Variants in KIZ observed in about 807,000 individuals in gnomAD.
KIZ encodes the protein kizuna centrosomal protein.
In KIZ, 68 loss-of-function variants were observed where a neutral mutation model predicts 79.6. That is an observed-to-expected ratio of 0.85 (90% CI 0.70 to 1.05). KIZ has a LOEUF of 1.05. KIZ is among the 50% of genes least tolerant of loss of function. The pLI is 0.00. For missense variants in KIZ, 797 were observed against 800.4 expected (o/e 1.00, Z 0.05); for synonymous variants, 280 against 281.8 (o/e 0.99, Z 0.06).
At chr20:21,192,827 C>T (rs1184220350) in intron 6 of KIZ, among the ~76,000 whole-genome samples, 4 of 152,128 alleles carry the variant, frequency 2.6e-5, no homozygotes, top group African/African-American at 9.7e-5. Flanking sequence ...ACTTGAAGAA[C>T]ATACAGTGGC....
At chr20:21,145,443 T>C (rs940383729) in intron 3 of KIZ, 122 bp from the exon 4 acceptor site, 1 of 407,472 alleles carries the variant, frequency 2.5e-6, no homozygotes, top group Non-Finnish European at 4.5e-6. Context: ...GGTGAATTTC[T>C]TGGCAACATC....
chr20:21,182,812 A>AG, intron 6 of KIZ, among the ~76,000 whole-genome samples: 1 of 151,914 alleles, frequency 6.6e-6, no homozygotes, highest in East Asian at 1.9e-4. Flanking sequence ...AAAAAAAAAA[A>AG]AAAAAAAGAC....
intron 3 of KIZ, chr20:21,138,903 C>T (rs1356450195): frequency 6.8e-6 from 1 of 147,176 alleles, no homozygotes; most frequent in Non-Finnish European, 1.5e-5. Context: ...AGAATGTTTT[C>T]CCCCTTTTCT....
intron 5 of KIZ, 171 bp from the exon 6 acceptor site, chr20:21,162,679 C>T: frequency 1.3e-6 from 1 of 781,350 alleles, no homozygotes; most frequent in South Asian, 1.9e-5. Context: ...ATTTTTAAAC[C>T]CACTGTGATT....
intron 4 of KIZ, among the ~76,000 whole-genome samples, chr20:21,160,011 C>T (rs1029637096): frequency 6.6e-6 from 1 of 152,230 alleles, no homozygotes; most frequent in African/African-American, 2.4e-5. Flanking sequence ...CTGGACTACA[C>T]TCGTTATTGC....
chr20:21,161,817 C>A, intron 4 of KIZ, 54 bp from the exon 5 acceptor site: 2 of 1,285,858 alleles, frequency 1.6e-6, no homozygotes, highest in South Asian at 3.1e-5. Context: ...AAAAAAACCC[C>A]ACCTAATTGT....
intron 9 of KIZ, among the ~76,000 whole-genome samples, chr20:21,223,412 C>T (rs1038179922): frequency 4.6e-5 from 7 of 152,116 alleles, no homozygotes; most frequent in Non-Finnish European, 7.4e-5. Flanking sequence ...CTGAATTAGG[C>T]GGGTCTCTTC....
At chr20:21,159,954 C>T (rs963028244) in intron 4 of KIZ, among the ~76,000 whole-genome samples, 4 of 152,172 alleles carry the variant, frequency 2.6e-5, no homozygotes, top group African/African-American at 7.2e-5. Flanking sequence ...GTGGGTGCAC[C>T]GTTTTATATT....
chr20:21,234,284 T>C (rs1464828688), intron 11 of KIZ, among the ~76,000 whole-genome samples: 3 of 152,024 alleles, frequency 2.0e-5, no homozygotes, highest in Non-Finnish European at 4.4e-5. Flanking sequence ...TTGTTATTAG[T>C]ATCGTTTCCG....
chr20:21,136,493 C>G lies in KIZ; in HGVS notation c.256C>G (p.Arg86Gly), dbSNP rs199937464. The G allele has an allele frequency of 6.3e-7, 1 of 1,599,410 alleles. No homozygotes were observed. Among genetic ancestry groups the G allele is most frequent in the African/African-American group, 1.3e-5 (1 of 74,716 alleles). The part of the protein sequence containing the change: ...RNQEYLKRFE[R>G]VQAHVVHFTT... The stretch of plus-strand genomic sequence containing the variant: ...CCAAGAATATTTAAAGCGATTTGAG[C>G]GTGTCCAAGCTCATGTTGTACACTT... Residue 86 changes from arginine to glycine, a missense_variant, in exon 3 of 13, where the codon CGT (arginine) becomes GGT (glycine). Coordinates refer to ENST00000619189, the MANE Select transcript of KIZ (RefSeq NM_018474.6).
At chr20:21,172,951 T>C (rs1156654535) in intron 6 of KIZ, among the ~76,000 whole-genome samples, 1 of 152,174 alleles carries the variant, frequency 6.6e-6, no homozygotes, top group Non-Finnish European at 1.5e-5. Flanking sequence ...AGTGGGGGCA[T>C]ACTGAGTGTT....
chr20:21,130,475 A>AG (rs910123223), intron 1 of KIZ, among the ~76,000 whole-genome samples: 5 of 152,208 alleles, frequency 3.3e-5, no homozygotes, highest in African/African-American at 9.6e-5. Flanking sequence ...ATGAAACTCT[A>AG]GGGGGGGAAT....
chr20:21,162,048 C>G lies in KIZ; in HGVS notation c.583C>G (p.Arg195Gly), dbSNP rs775124094. Reference sequence around the variant, plus strand: ...TTCAATTCCTGACCCACATTCACACCGACAGACAGCCCAGAGCAGTAATGT... The same window carrying G: ...TTCAATTCCTGACCCACATTCACACGGACAGACAGCCCAGAGCAGTAATGT... ...NFSIPDPHSH[R>G]QTAQSSNVTD... The change falls in exon 5 of 13, where the codon CGA becomes GGA. Residue 195 changes from arginine (R) to glycine (G), a missense_variant. By Grantham distance (125) the Arg-to-Gly change is moderately radical (BLOSUM62 -2). Transcript: ENST00000619189. The G allele has an allele frequency of 6.2e-7, 1 of 1,613,744 alleles. No individual in the cohort carries two copies. Among genetic ancestry groups the G allele is most frequent in the Non-Finnish European group, 8.5e-7 (1 of 1,179,830 alleles).
intron 11 of KIZ, among the ~76,000 whole-genome samples, chr20:21,234,104 C>A (rs1302526837): frequency 6.6e-6 from 1 of 152,142 alleles, no homozygotes; most frequent in Non-Finnish European, 1.5e-5. Context: ...CTAAAAAACT[C>A]ACTTCTTCCT....
At chr20:21,134,228 A>G (rs886401177) in intron 2 of KIZ, among the ~76,000 whole-genome samples, 1 of 152,190 alleles carries the variant, frequency 6.6e-6, no homozygotes, top group Non-Finnish European at 1.5e-5. Flanking sequence ...AATTTACATT[A>G]TCACCATCTC....
At chr20:21,136,732 G>A (rs540335049) in intron 3 of KIZ, among the ~76,000 whole-genome samples, 180 bp downstream of exon 3, 10 of 151,690 alleles carry the variant, frequency 6.6e-5, no homozygotes, top group African/African-American at 2.4e-4. Context: ...ATGTAGCTGT[G>A]TACCTCCCGA....
Position 21,162,843 on chromosome 20 carries a change from CT to C in KIZ, c.1043-5del, listed in dbSNP as rs1568934493. 1.2e-6 allele frequency: 2 copies of C among 1,608,210 alleles called. No individual in the cohort carries two copies. The highest frequency in any genetic ancestry group is 2.2e-5 in the South Asian group (2 of 90,132). Reference sequence around the variant, plus strand: ...GATTGGTAATCAGTTCATGTCGCCACTTGCAGATCATCTTGCTCACAGGGAA... The same window carrying C: ...GATTGGTAATCAGTTCATGTCGCCACTGCAGATCATCTTGCTCACAGGGAA... On this transcript the variant is annotated splice_polypyrimidine_tract_variant and splice_region_variant and intron_variant, in intron 5 of 12. Transcript: ENST00000619189.
chr20:21,149,718 T>C (rs2033021818), intron 4 of KIZ, among the ~76,000 whole-genome samples: 1 of 152,194 alleles, frequency 6.6e-6, no homozygotes, highest in African/African-American at 2.4e-5. Context: ...GCACCATTCA[T>C]AAGACCAAGG....
At chr20:21,182,953 T>TAATC (rs1262459732) in intron 6 of KIZ, among the ~76,000 whole-genome samples, 3 of 152,162 alleles carry the variant, frequency 2.0e-5, no homozygotes, top group African/African-American at 7.2e-5. Context: ...TGGCTTAGAT[T>TAATC]AATCACAGTC....
Sources: gnomAD v4.1 joint callset for allele counts (sites outside exome capture counted in the v4.1 genomes callset) on GRCh38, gnomAD v4.1.1 for gene constraint, MANE v1.5 for transcripts, NCBI Gene and HGNC (gene_info 2026-07-23, HGNC 2026-07-21) for gene names.